Variants in SF3B4 observed in about 807,000 individuals in gnomAD.
The protein encoded by SF3B4 is splicing factor 3b subunit 4, also known as SAP 49.
In SF3B4, 3 loss-of-function variants were observed where a neutral mutation model predicts 34.3. The observed-to-expected ratio is 0.09, with a 90% CI of 0.04 to 0.23. SF3B4 has a LOEUF of 0.23. Among genes scored for constraint, SF3B4 ranks in the 10% least tolerant of loss-of-function variants. The pLI, the probability that SF3B4 is intolerant of heterozygous loss-of-function variation, is 1.00. For synonymous variants in SF3B4, 216 were observed against 207.8 expected (o/e 1.04, Z -0.34); for missense variants, 283 against 567.2 (o/e 0.50, Z 5.09).
At position 149,927,278 on chromosome 1, in the gene SF3B4, C is replaced by A. The variant is rs1553766157; in HGVS notation, c.51G>T (p.Val17=). Residue 17 remains valine, a synonymous_variant, in exon 2 of 6, where the codon GTG becomes GTT. Coordinates refer to ENST00000271628, the MANE Select transcript of SF3B4 (RefSeq NM_005850.5). ...SERNQDATVY[V]GGLDEKVSEP... is the part of the protein sequence containing the mutation. The stretch of plus-strand genomic sequence containing the variant: ...CACTAACCTTCTCATCCAGGCCCCC[C>A]ACGTACACAGTGGCATCTTGAAGGG... The A allele has an allele frequency of 1.9e-6, 3 of 1,613,864 alleles. No homozygotes were observed. The highest frequency in any genetic ancestry group is 1.7e-5 in the Admixed American group (1 of 60,006).
chr1:149,923,973 A>G lies in SF3B4; in HGVS notation c.955T>C (p.Leu319=). 1.3e-6 allele frequency: 2 copies of G among 1,575,756 alleles called. No homozygotes were observed. Among genetic ancestry groups the G allele is most frequent in the Non-Finnish European group, 1.7e-6 (2 of 1,168,116 alleles). The part of the protein sequence containing the change: ...MQLAHHGPHG[L]GHPHAGPPGS... ...GGGGGTCCAGCGTGGGGATGTCCTA[A>G]GCCATGAGGGCCATGGTGTGCAAGC... Residue 319 remains leucine (L), a synonymous_variant, in exon 5 of 6, where the codon TTA becomes CTA. Transcript: ENST00000271628.
rs587718470 is a variant in SF3B4, at chr1:149,927,760, G to A, written c.-1C>T. 3.2e-6 allele frequency: 5 copies of A among 1,553,086 alleles called. No homozygotes were observed. The highest frequency in any genetic ancestry group is 1.9e-5 in the Admixed American group (1 of 51,282). ...GCTCGGAGATCGGCCCGGCAGCCAT[G>A]GCGAAAGAGATCCCGCCGTCTCCCA... On this transcript the variant is annotated 5_prime_UTR_variant, in exon 1 of 6. Coordinates refer to ENST00000271628, the MANE Select transcript of SF3B4 (RefSeq NM_005850.5).
In SF3B4 at chr1:149,923,451, C is replaced by T; in HGVS notation, c.*91G>A. ...GTGGGGGTGCTGAAAGGGATTAGTA[C>T]CTTTGCCCCAAGGAGCTACAGCATC... On this transcript the variant is annotated 3_prime_UTR_variant, in exon 6 of 6. Transcript: ENST00000271628. The T allele has an allele frequency of 9.9e-7, 1 of 1,007,846 alleles. No homozygotes were observed. The allele number at this position is 1,007,846 out of a possible 1,614,324, so 62.4% of individuals were successfully genotyped here.
chr1:149,925,127 A>G (rs1553765797), intron 4 of SF3B4, among the ~76,000 whole-genome samples: 1 of 152,196 alleles, frequency 6.6e-6, no homozygotes. Context: ...TGGTATTAAG[A>G]GTGGGGTGAT....
Position 149,923,598 on chromosome 1 carries a change from T to C in SF3B4, c.1219A>G (p.Thr407Ala), listed in dbSNP as rs782532840. 1 of 1,535,002 alleles carries C rather than the reference T, an allele frequency of 6.5e-7. No individual in the cohort carries two copies. The highest frequency in any genetic ancestry group is 8.7e-7 in the Non-Finnish European group (1 of 1,153,704). ...QRGPLPPPRP[T>A]PRPPVPPRGP... ...CGAGGGGGAACTGGTGGCCGGGGAG[T>C]GGGTCTGGGTGGAGGGAGAGGCCCC... The change falls in exon 6 of 6, where the codon ACT becomes GCT. Residue 407 changes from threonine to alanine, a missense_variant. By Grantham distance (58) the Thr-to-Ala change is moderately conservative. This residue lies in a region of SF3B4 where 208 missense variants were observed against 292.6 expected (regional missense o/e 0.71). Coordinates refer to ENST00000271628, the MANE Select transcript of SF3B4 (RefSeq NM_005850.5).
In SF3B4 at chr1:149,923,746, A is replaced by T. The variant is rs1199695534; in HGVS notation, c.1088-17T>A. The T allele has an allele frequency of 2.7e-6, 4 of 1,508,298 alleles. No individual in the cohort carries two copies. Among genetic ancestry groups the T allele is most frequent in the Non-Finnish European group, 2.6e-6 (3 of 1,136,016 alleles). The allele number at this position is 1,508,298 out of a possible 1,614,324, so 93.4% of individuals were successfully genotyped here. On this transcript the variant is annotated splice_polypyrimidine_tract_variant and intron_variant, in intron 5 of 5. Transcript: ENST00000271628. ...CTGGGTGACCTGCAAAGAGTAAAAG[A>T]AAAGTTAGTAAGGGCACGGGACAAG...
Position 149,926,466 on chromosome 1 carries a change from G to A in SF3B4, c.616C>T (p.Arg206Cys). ...AAQNPLSQAD[R>C]PHQLFADAPP... ...GCATCTGCAAACAGCTGATGAGGGC[G>A]ATCAGCCTGGGAGAGCGGGTTCTGA... The change falls in exon 3 of 6, where the codon CGC becomes TGC. Residue 206 changes from arginine (R) to cysteine (C), a missense_variant. Physicochemically the swap from Arg to Cys is radical, Grantham distance 180. Around this residue, in one of 4 missense-constraint regions of SF3B4, gnomAD observed 35 missense variants for 111.9 expected, o/e 0.31. Transcript: ENST00000271628. The surrounding 1 kb of genome is among the most constrained non-coding windows in gnomAD (Gnocchi z 6.2). 6.2e-7 allele frequency: 1 copy of A among 1,614,114 alleles called. No individual in the cohort carries two copies. Among genetic ancestry groups the A allele is most frequent in the Non-Finnish European group, 8.5e-7 (1 of 1,179,956 alleles).
In SF3B4 at chr1:149,927,303, G is replaced by C; in HGVS notation, c.35-9C>G. On this transcript the variant is annotated splice_polypyrimidine_tract_variant and intron_variant, in intron 1 of 5. Transcript: ENST00000271628. ...CACGTACACAGTGGCATCTTGAAGGGAGGGAGCAAAAAGAGCAAGCGTGAG... is the reference window on the plus strand; with the variant it reads ...CACGTACACAGTGGCATCTTGAAGGCAGGGAGCAAAAAGAGCAAGCGTGAG... 4 of 1,612,974 alleles carry C rather than the reference G, an allele frequency of 2.5e-6. No individual in the cohort carries two copies. The highest frequency in any genetic ancestry group is 3.4e-6 in the Non-Finnish European group (4 of 1,179,878).
In SF3B4 at chr1:149,927,308, A is replaced by G. The variant is rs1553766168; in HGVS notation, c.35-14T>C. On this transcript the variant is annotated splice_polypyrimidine_tract_variant and intron_variant, in intron 1 of 5. Transcript: ENST00000271628. ...ACACAGTGGCATCTTGAAGGGAGGGAGCAAAAAGAGCAAGCGTGAGAGTGT... is the reference window on the plus strand; with the variant it reads ...ACACAGTGGCATCTTGAAGGGAGGGGGCAAAAAGAGCAAGCGTGAGAGTGT... The G allele has an allele frequency of 5.6e-6, 9 of 1,612,344 alleles. No individual in the cohort carries two copies. Among genetic ancestry groups the G allele is most frequent in the Non-Finnish European group, 6.8e-6 (8 of 1,179,776 alleles).
chr1:149,925,715 T>C (rs781995681), intron 4 of SF3B4, 121 bp downstream of exon 4: 6 of 773,022 alleles, frequency 7.8e-6, no homozygotes, highest in African/African-American at 6.9e-5. Flanking sequence ...TATAATAGAA[T>C]GTCTGAAGGA....
chr1:149,924,672 G>A (rs1475620429), intron 4 of SF3B4, among the ~76,000 whole-genome samples: 1 of 152,108 alleles, frequency 6.6e-6, no homozygotes, highest in Non-Finnish European at 1.5e-5. Flanking sequence ...TCTAAGCAAA[G>A]ATCTAATTCT....
chr1:149,927,017 C>G (rs1553766122), intron 2 of SF3B4, 99 bp from the exon 3 acceptor site: 3 of 1,455,098 alleles, frequency 2.1e-6, no homozygotes, highest in Non-Finnish European at 2.8e-6. Context: ...AAGAAAGAAA[C>G]AACATCACTT....
Position 149,923,932 on chromosome 1 carries a change from C to A in SF3B4, c.996G>T (p.Gln332His). ...TTCCAGGTGGTGGTCGGGGCGGTGG[C>A]TGGCCCCCAGAGCCTGGGGGTCCAG... ...PHAGPPGSGG[Q>H]PPPRPPPGMP... The change falls in exon 5 of 6, where the codon CAG (glutamine) becomes CAT (histidine). Residue 332 changes from glutamine (Q) to histidine (H), a missense_variant. Gln to His is a conservative substitution (Grantham distance 24, BLOSUM62 0). Transcript: ENST00000271628. The A allele has an allele frequency of 6.3e-7, 1 of 1,595,546 alleles. No individual in the cohort carries two copies.
chr1:149,924,136 A>C, intron 4 of SF3B4, 122 bp from the exon 5 acceptor site: 2 of 869,570 alleles, frequency 2.3e-6, no homozygotes, highest in Non-Finnish European at 3.4e-6. Flanking sequence ...ATATAGAAAA[A>C]AGGGTATAGA....
At chr1:149,924,531 C>G (rs2092577574) in intron 4 of SF3B4, among the ~76,000 whole-genome samples, 1 of 152,174 alleles carries the variant, frequency 6.6e-6, no homozygotes, top group African/African-American at 2.4e-5. Flanking sequence ...ACCAATTACT[C>G]AATCAACTCC....
chr1:149,923,669 T>TG lies in SF3B4; in HGVS notation c.1147dup (p.His383ProfsTer103), dbSNP rs387907186. 20 of 1,526,112 alleles carry TG rather than the reference T, an allele frequency of 1.3e-5. No individual in the cohort carries two copies. The highest frequency in any genetic ancestry group is 2.5e-5 in the Admixed American group (1 of 39,538). 94.5% of individuals were successfully genotyped at this position (1,526,112 alleles called of 1,614,324 possible). A position where few individuals can be genotyped will look rare whatever the true frequency, so the allele number is the denominator to read the frequency against. On this transcript the variant is annotated frameshift_variant, in exon 6 of 6. Transcript: ENST00000271628. LOFTEE classifies it high-confidence loss of function. ...GGGTCGTGGAGGGCCAGTGTATCCA[T>TG]GGGGGGGCATCAGTGGAGGAGGTCC...
intron 1 of SF3B4, 182 bp downstream of exon 1, chr1:149,927,540 TTAAG>T: frequency 1.3e-6 from 1 of 779,908 alleles, no homozygotes; most frequent in Non-Finnish European, 2.0e-6. Flanking sequence ...GGGACCGGAC[TTAAG>T]TATCACACCC....
rs587652769 is a variant in SF3B4, at chr1:149,923,393, T to G, written c.*149A>C. 1 of 600,178 alleles carries G rather than the reference T, an allele frequency of 1.7e-6. No individual in the cohort carries two copies. The highest frequency in any genetic ancestry group is 2.3e-5 in the South Asian group (1 of 42,912). 37.2% of individuals were successfully genotyped at this position (600,178 alleles called of 1,614,324 possible). ...ACCAACATAAAAAAGAAATACCTCC[T>G]GTGGAAAAAGTTACATTAAAAAGGG... On this transcript the variant is annotated 3_prime_UTR_variant, in exon 6 of 6. Coordinates refer to ENST00000271628, the MANE Select transcript of SF3B4 (RefSeq NM_005850.5).
In SF3B4 at chr1:149,926,743, C is replaced by T. The variant is rs1483867623; in HGVS notation, c.339G>A (p.Glu113=). ...CGCTGAAAGTATCATAAAGCAACTT[C>T]TCATCAATCTCAGGGTCCAGGTTCC... ...FIGNLDPEID[E]KLLYDTFSAF... Residue 113 remains glutamate (E), a synonymous_variant, in exon 3 of 6, where the codon GAG becomes GAA. Coordinates refer to ENST00000271628, the MANE Select transcript of SF3B4 (RefSeq NM_005850.5). The surrounding 1 kb of genome is among the most constrained non-coding windows in gnomAD (Gnocchi z 6.2). 2 of 1,614,094 alleles carry T rather than the reference C, an allele frequency of 1.2e-6. No homozygotes were observed. Among genetic ancestry groups the T allele is most frequent in the Non-Finnish European group, 1.7e-6 (2 of 1,180,052 alleles).
Sources: gnomAD v4.1 joint callset for allele counts (sites outside exome capture counted in the v4.1 genomes callset) on GRCh38, gnomAD v4.1.1 for gene constraint, gnomAD v4.1.1 regional missense constraint, Gnocchi (gnomAD v3.1) non-coding constraint, MANE v1.5 for transcripts, NCBI Gene and HGNC (gene_info 2026-07-23, HGNC 2026-07-21) for gene names.